The following MYH3 variants were observed in gnomAD, a reference collection of about 807,000 sequenced individuals.
MYH3 encodes myosin heavy chain 3, also known as myosin-3.
In MYH3, 130 loss-of-function variants were observed where a neutral mutation model predicts 238.0. The ratio of observed to expected loss-of-function variants is 0.55; its 90% CI spans 0.47 to 0.63. MYH3 has a LOEUF of 0.63. Among genes scored for constraint, MYH3 ranks in the 30% least tolerant of loss-of-function variants. MYH3 has a pLI of 0.00. For synonymous variants in MYH3, 880 were observed against 924.1 expected (o/e 0.95, Z 0.86); for missense variants, 1,853 against 2,374.9 (o/e 0.78, Z 4.57).
In MYH3 at chr17:10,638,063, C is replaced by T; in HGVS notation, c.3709G>A (p.Glu1237Lys). The T allele has an allele frequency of 6.2e-7, 1 of 1,613,968 alleles. No homozygotes were observed. The highest frequency in any genetic ancestry group is 8.5e-7 in the Non-Finnish European group (1 of 1,180,000). Residue 1237 changes from glutamate (E) to lysine (K), a missense_variant, in exon 27 of 41, where the codon GAG (glutamate) becomes AAG (lysine). Glu to Lys is a moderately conservative substitution (Grantham distance 56). This residue lies in a region of MYH3 where 1,044 missense variants were observed against 1,192.6 expected (regional missense o/e 0.88). Coordinates refer to ENST00000583535, the MANE Select transcript of MYH3 (RefSeq NM_002470.4). ...AGCACCTTAGATTTCGACACACTCT[C>T]CATGCTGCTGGAGAGGTCATCGATC... ...LEIDDLSSSM[E>K]SVSKSKANLE... is the part of the protein sequence containing the mutation.
rs774293212 is a variant in MYH3 at position 10,638,425 on chromosome 17, A to G, written c.3347T>C (p.Ile1116Thr). The change falls in exon 27 of 41, where the codon ATT becomes ACT. Residue 1116 changes from isoleucine to threonine, a missense_variant. Physicochemically the swap from Ile to Thr is moderately conservative, Grantham distance 89. Coordinates refer to ENST00000583535, the MANE Select transcript of MYH3 (RefSeq NM_002470.4). ...CTCTATCTCCTCTTCCAGCTCCTCAATTCGAGCCTGTGGAGGGCAGCCGTT... is the reference window on the plus strand; with the variant it reads ...CTCTATCTCCTCTTCCAGCTCCTCAGTTCGAGCCTGTGGAGGGCAGCCGTT... Reference protein sequence around the residue: ...QKKIKELQARIEELEEEIEAE... With the variant: ...QKKIKELQARTEELEEEIEAE... The G allele has an allele frequency of 3.1e-5, 50 of 1,599,536 alleles. No individual in the cohort carries two copies. In the South Asian group the frequency reaches 3.8e-4, roughly 12 times the overall value.
Position 10,628,553 on chromosome 17 carries a change from T to TG in MYH3, c.*99dup. ...CAGATTGAAACAAAGCAAAGTTTAT[T>TG]GCATGTGAAAAAGAGTCACATGGAC... On this transcript the variant is annotated 3_prime_UTR_variant, in exon 41 of 41. Coordinates refer to ENST00000583535, the MANE Select transcript of MYH3 (RefSeq NM_002470.4). 7.4e-7 allele frequency: 1 copy of TG among 1,350,610 alleles called. No individual in the cohort carries two copies. The highest frequency in any genetic ancestry group is 1.1e-6 in the Non-Finnish European group (1 of 940,550). The allele number at this position is 1,350,610 out of a possible 1,614,324, so 83.7% of individuals were successfully genotyped here. A position where few individuals can be genotyped will look rare whatever the true frequency, so the allele number is the denominator to read the frequency against.
chr17:10,638,629 A>G (rs1427329440), intron 26 of MYH3, among the ~76,000 whole-genome samples, 197 bp from the exon 27 acceptor site: 1 of 152,148 alleles, frequency 6.6e-6, no homozygotes, highest in Non-Finnish European at 1.5e-5. Context: ...AAACCTGAAC[A>G]TTTTCCACCA....
intron 7 of MYH3, 107 bp downstream of exon 7, chr17:10,649,470 C>CA: frequency 1.1e-6 from 1 of 900,996 alleles, no homozygotes; most frequent in Non-Finnish European, 1.9e-6. Context: ...AGCCTGTTCT[C>CA]CATTCTCTGA....
At chr17:10,646,495 CTG>C (rs1333203847) in intron 10 of MYH3, among the ~76,000 whole-genome samples, 1 of 152,168 alleles carries the variant, frequency 6.6e-6, no homozygotes, top group Non-Finnish European at 1.5e-5. Context: ...ATGGAGACCT[CTG>C]TGAGGGGCAG....
Position 10,632,554 on chromosome 17 carries a change from G to C in MYH3, c.4878C>G (p.Ile1626Met), listed in dbSNP as rs373372168. 50 of 1,614,148 alleles carry C rather than the reference G, an allele frequency of 3.1e-5. No individual in the cohort carries two copies. Among genetic ancestry groups the C allele is most frequent in the Non-Finnish European group, 3.6e-5 (42 of 1,180,044 alleles). Residue 1626 changes from isoleucine (I) to methionine (M), a missense_variant, in exon 34 of 41, where the codon ATC becomes ATG. By Grantham distance (10) the Ile-to-Met change is conservative. Coordinates refer to ENST00000583535, the MANE Select transcript of MYH3 (RefSeq NM_002470.4). ...GGTTGGCGTGGCTCAGCTGGATCTC[G>C]ATTTCATTCAGGTCCCCCTCCATCT... Reference protein sequence around the residue: ...KKKMEGDLNEIEIQLSHANRQ... With the variant: ...KKKMEGDLNEMEIQLSHANRQ...
chr17:10,647,107 T>G lies in MYH3; in HGVS notation c.898+75A>C, dbSNP rs979444269. The G allele has an allele frequency of 9.4e-6, 10 of 1,064,234 alleles. No individual in the cohort carries two copies. The African/African-American group carries it at 1.6e-4, about 17-fold the overall frequency. 65.9% of individuals were successfully genotyped at this position (1,064,234 alleles called of 1,614,324 possible). A position where few individuals can be genotyped will look rare whatever the true frequency, so the allele number is the denominator to read the frequency against. The stretch of plus-strand genomic sequence containing the variant: ...CTGTTGACTGTAGAGTCACTCTACG[T>G]AGATACAACTCTCCTTGGTCTAGTG... On this transcript the variant is annotated intron_variant, in intron 10 of 40. Coordinates refer to ENST00000583535, the MANE Select transcript of MYH3 (RefSeq NM_002470.4).
chr17:10,630,054 C>T (rs2074138902), intron 38 of MYH3, 38 bp downstream of exon 38: 1 of 1,608,546 alleles, frequency 6.2e-7, no homozygotes, highest in Non-Finnish European at 8.5e-7. Flanking sequence ...ATCTGCACGT[C>T]ACAGAGGACA....
the MYH3 span, among the ~76,000 whole-genome samples, chr17:10,669,525 C>T: frequency 3.4e-4 from 51 of 150,682 alleles, 1 homozygote; most frequent in Admixed American, 5.3e-4. Context: ...TGAGACCACG[C>T]CATTGCCCTC....
intron 36 of MYH3, among the ~76,000 whole-genome samples, chr17:10,630,712 G>A (rs1344873213): frequency 1.3e-5 from 2 of 152,162 alleles, no homozygotes; most frequent in African/African-American, 4.8e-5. Context: ...TTAGCTGGGC[G>A]TGGTGGCAGA....
chr17:10,631,578 C>T (rs748492762), intron 36 of MYH3, 33 bp downstream of exon 36: 1 of 1,614,024 alleles, frequency 6.2e-7, no homozygotes. Context: ...GCAATCCCGG[C>T]AGCCCGAGGG....
At chr17:10,645,157 G>A (rs2074308381) in intron 12 of MYH3, among the ~76,000 whole-genome samples, 1 of 151,656 alleles carries the variant, frequency 6.6e-6, no homozygotes, top group Non-Finnish European at 1.5e-5. Context: ...CATGCCGGCA[G>A]GGCACAGTGG....
Position 10,642,238 on chromosome 17 carries a change from A to C in MYH3, c.1959+2T>G, listed in dbSNP as rs1327842170. On this transcript the variant is annotated splice_donor_variant, in intron 17 of 40. Transcript: ENST00000583535. LOFTEE classifies it high-confidence loss of function. This position sits in a 1 kb window ranked among gnomAD's most constrained non-coding sequence, Gnocchi z 5.4. ...AAGCAAATAAACTTGTATTTTTCTTACCCTGAAAAGGGCAGAGACAGTTTG... is the reference window on the plus strand; with the variant it reads ...AAGCAAATAAACTTGTATTTTTCTTCCCCTGAAAAGGGCAGAGACAGTTTG... 1 of 1,613,032 alleles carries C rather than the reference A, an allele frequency of 6.2e-7. No homozygotes were observed. Among genetic ancestry groups the C allele is most frequent in the East Asian group, 2.2e-5 (1 of 44,876 alleles).
the MYH3 span, among the ~76,000 whole-genome samples, chr17:10,664,930 G>A: frequency 6.6e-6 from 1 of 152,102 alleles, no homozygotes. Flanking sequence ...CCTGAACAAT[G>A]ACATAGACAA....
chr17:10,657,081 A>G (rs2074439937), intron 1 of MYH3, among the ~76,000 whole-genome samples: 1 of 151,934 alleles, frequency 6.6e-6, no homozygotes, highest in Admixed American at 6.6e-5. Flanking sequence ...TGCTTGGGGG[A>G]GGTGCTGGAG....
Position 10,638,437 on chromosome 17 carries a change from G to T in MYH3, c.3340-5C>A, listed in dbSNP as rs1395698921. On this transcript the variant is annotated splice_region_variant and splice_polypyrimidine_tract_variant and intron_variant, in intron 26 of 40. Coordinates refer to ENST00000583535, the MANE Select transcript of MYH3 (RefSeq NM_002470.4). ...TTCCAGCTCCTCAATTCGAGCCTGT[G>T]GAGGGCAGCCGTTCACCCCGTGGGC... 1 of 1,599,718 alleles carries T rather than the reference G, an allele frequency of 6.3e-7. No individual in the cohort carries two copies.
chr17:10,644,625 C>T lies in MYH3; in HGVS notation c.1219G>A (p.Val407Ile). 1 of 1,614,214 alleles carries T rather than the reference C, an allele frequency of 6.2e-7. No individual in the cohort carries two copies. Among genetic ancestry groups the T allele is most frequent in the Non-Finnish European group, 8.5e-7 (1 of 1,180,050 alleles). Reference sequence around the variant, plus strand: ...CCTTTGGTAACGTACTCATTCCCAACTTTCACTCTAGGAAAGCACAAAGCT... The same window carrying T: ...CCTTTGGTAACGTACTCATTCCCAATTTTCACTCTAGGAAAGCACAAAGCT... ...LKALCFPRVK[V>I]GNEYVTKGQT... Residue 407 changes from valine to isoleucine, a missense_variant, in exon 13 of 41, where the codon GTT becomes ATT. Around this residue, in one of 3 missense-constraint regions of MYH3, gnomAD observed 678 missense variants for 1,058.9 expected, o/e 0.64. Coordinates refer to ENST00000583535, the MANE Select transcript of MYH3 (RefSeq NM_002470.4).
intron 8 of MYH3, among the ~76,000 whole-genome samples, chr17:10,647,765 G>A (rs866775449): frequency 1.6e-4 from 24 of 152,042 alleles, no homozygotes; most frequent in African/African-American, 4.6e-4. Flanking sequence ...GGATGGTCTC[G>A]ATCTCTTGAC....
chr17:10,654,829 G>GC lies in MYH3; in HGVS notation c.204+31dup. On this transcript the variant is annotated intron_variant, in intron 3 of 40. Transcript: ENST00000583535. This position sits in a 1 kb window ranked among gnomAD's most constrained non-coding sequence, Gnocchi z 4.5. Reference sequence around the variant, plus strand: ...GGCAAGCACAAGGACCAGGTGGAGGGCCAGCAGCCTGTGGAGGGTACAGAG... The same window carrying GC: ...GGCAAGCACAAGGACCAGGTGGAGGGCCCAGCAGCCTGTGGAGGGTACAGAG... 1 of 1,604,942 alleles carries GC rather than the reference G, an allele frequency of 6.2e-7. No homozygotes were observed. Among genetic ancestry groups the GC allele is most frequent in the Middle Eastern group, 1.7e-4 (1 of 6,048 alleles).
Sources: allele counts gnomAD v4.1 joint callset (sites outside exome capture counted in the v4.1 genomes callset), GRCh38; gene constraint gnomAD v4.1.1; regional missense constraint gnomAD v4.1.1; non-coding constraint Gnocchi (gnomAD v3.1); transcripts MANE v1.5; gene names NCBI Gene and HGNC (gene_info 2026-07-23, HGNC 2026-07-21).